The following COL5A1 variants were observed in gnomAD, a reference collection of about 807,000 sequenced individuals.
COL5A1 encodes collagen alpha-1(V) chain.
In COL5A1, 16 loss-of-function variants were observed where a neutral mutation model predicts 263.7. That is an observed-to-expected ratio of 0.06 (90% CI 0.04 to 0.09). The LOEUF is 0.09. Ranked by LOEUF, COL5A1 falls within the 10% of genes least tolerant of loss-of-function variation. The probability of loss-of-function intolerance (pLI) is 1.00; values close to 1 mark genes in which losing one functional copy is unlikely to be tolerated. For missense variants in COL5A1, 2,036 were observed against 2,540.5 expected (o/e 0.80, Z 4.27); for synonymous variants, 1,012 against 1,004.5 (o/e 1.01, Z -0.14).
At chr9:134,756,652 G>C in intron 16 of COL5A1, 113 bp from the exon 17 acceptor site, 1 of 1,168,444 alleles carries the variant, frequency 8.6e-7, no homozygotes, top group Non-Finnish European at 1.3e-6. Flanking sequence ...TGACCTTGGG[G>C]GTGGGCGCGG....
At chr9:134,727,418 A>T in intron 5 of COL5A1, 21 bp downstream of exon 5, 3 of 1,613,964 alleles carry the variant, frequency 1.9e-6, no homozygotes, top group Non-Finnish European at 2.5e-6. Context: ...TCTGGCTGGG[A>T]TCTTGGGGAG....
At chr9:134,661,176 G>A (rs895986710) in intron 1 of COL5A1, among the ~76,000 whole-genome samples, 3 of 151,626 alleles carry the variant, frequency 2.0e-5, no homozygotes, top group Non-Finnish European at 4.4e-5. Flanking sequence ...GAGTTTGGTT[G>A]GGGAAGTGTC....
chr9:134,668,946 C>CCCAT (rs200946165), intron 1 of COL5A1, among the ~76,000 whole-genome samples: 5,000 of 117,740 alleles, frequency 0.042, 232 homozygotes, highest in African/African-American at 0.14. Context: ...CATCCTTCCA[C>CCCAT]CCACCCACCC....
At chr9:134,713,618 G>A (rs1588462909) in intron 4 of COL5A1, among the ~76,000 whole-genome samples, 1 of 152,316 alleles carries the variant, frequency 6.6e-6, no homozygotes, top group Non-Finnish European at 1.5e-5. Context: ...AATTGTACAA[G>A]CGCAGGGCCA....
chr9:134,752,117 C>T (rs1463563293), intron 13 of COL5A1, among the ~76,000 whole-genome samples: 1 of 152,238 alleles, frequency 6.6e-6, no homozygotes, highest in Non-Finnish European at 1.5e-5. Flanking sequence ...CAGGTGGGTT[C>T]CTACCCTCCC....
chr9:134,739,258 G>A (rs1444998050), intron 11 of COL5A1, among the ~76,000 whole-genome samples: 2 of 152,230 alleles, frequency 1.3e-5, no homozygotes, highest in African/African-American at 4.8e-5. Flanking sequence ...GTCCCTCGCC[G>A]CGGGAGGAGA....
At chr9:134,748,426 C>G (rs1031985499) in intron 11 of COL5A1, among the ~76,000 whole-genome samples, 6 of 152,188 alleles carry the variant, frequency 3.9e-5, no homozygotes, top group African/African-American at 1.4e-4. Flanking sequence ...TGCACACACA[C>G]TTACACACAT....
chr9:134,805,014 C>A lies in COL5A1; in HGVS notation c.3154C>A (p.Pro1052Thr). 2 of 1,613,936 alleles carry A rather than the reference C, an allele frequency of 1.2e-6. No homozygotes were observed. The highest frequency in any genetic ancestry group is 1.7e-6 in the Non-Finnish European group (2 of 1,179,994). ...GPAGLPGKDG[P>T]PGLRGFPGDR... ...TGCAGGCCTCCCTGGGAAAGATGGCCCTCCAGGATTACGTGGTTTCCCTGG... is the reference window on the plus strand; with the variant it reads ...TGCAGGCCTCCCTGGGAAAGATGGCACTCCAGGATTACGTGGTTTCCCTGG... The change falls in exon 40 of 66, where the codon CCT (proline) becomes ACT (threonine). Residue 1052 changes from proline to threonine, a missense_variant. Transcript: ENST00000371817.
At chr9:134,673,366 T>A (rs918127243) in intron 1 of COL5A1, among the ~76,000 whole-genome samples, 2 of 151,850 alleles carry the variant, frequency 1.3e-5, no homozygotes, top group East Asian at 3.9e-4. Flanking sequence ...ATGTAAATAA[T>A]CTTTTGGTTT....
intron 1 of COL5A1, among the ~76,000 whole-genome samples, chr9:134,667,866 G>T (rs1832407153): frequency 6.6e-6 from 1 of 152,194 alleles, no homozygotes; most frequent in Non-Finnish European, 1.5e-5. Flanking sequence ...AGGGCGTTTT[G>T]TGTCTTGTTT....
At chr9:134,820,624 G>A (rs1054735887) in intron 58 of COL5A1, among the ~76,000 whole-genome samples, 1 of 152,176 alleles carries the variant, frequency 6.6e-6, no homozygotes, top group Non-Finnish European at 1.5e-5. Context: ...GGCTGTTCTG[G>A]CTCCTGCTTC....
intron 4 of COL5A1, among the ~76,000 whole-genome samples, chr9:134,721,660 G>A (rs1292311079): frequency 1.3e-5 from 2 of 152,214 alleles, no homozygotes; most frequent in Non-Finnish European, 2.9e-5. Context: ...TTGTGGGGGT[G>A]CAGACATCAC....
At chr9:134,740,617 T>G (rs1835268284) in intron 11 of COL5A1, among the ~76,000 whole-genome samples, 2 of 152,196 alleles carry the variant, frequency 1.3e-5, no homozygotes, top group Non-Finnish European at 2.9e-5. Context: ...CGTACAGATT[T>G]GTACTGAGTG....
At chr9:134,721,916 A>T (rs1189817524) in intron 4 of COL5A1, among the ~76,000 whole-genome samples, 3 of 152,302 alleles carry the variant, frequency 2.0e-5, no homozygotes, top group Middle Eastern at 3.4e-3. Context: ...TGTAGGGAAG[A>T]AGCAGTGGGT....
intron 27 of COL5A1, 137 bp downstream of exon 27, chr9:134,775,049 G>T: frequency 1.2e-6 from 1 of 831,978 alleles, no homozygotes. Flanking sequence ...AGTCCTCCCA[G>T]TCACTTGTGT....
intron 28 of COL5A1, among the ~76,000 whole-genome samples, chr9:134,781,220 G>A (rs991003029): frequency 3.3e-5 from 5 of 152,264 alleles, no homozygotes; most frequent in Admixed American, 6.5e-5. Context: ...TTTGTTGAGC[G>A]TGCTGGTCCC....
chr9:134,810,462 CGTGT>C lies in COL5A1; in HGVS notation c.3528+162_3528+165del, dbSNP rs1173885493. ...CTCCCGTGCATGTGTGTTCCCACAA[CGTGT>C]GTGTGTGCACACGCGTGCATATCTG... On this transcript the variant is annotated intron_variant, in intron 44 of 65. Transcript: ENST00000371817. 1.7e-5 allele frequency: 12 copies of C among 699,924 alleles called. No individual in the cohort carries two copies. The East Asian group carries it at 2.7e-4, about 16-fold the overall frequency. The allele number at this position is 699,924 out of a possible 1,614,324, so 43.4% of individuals were successfully genotyped here.
intron 37 of COL5A1, among the ~76,000 whole-genome samples, chr9:134,799,770 T>A (rs1287928929): frequency 7.5e-6 from 1 of 133,602 alleles, no homozygotes; most frequent in Non-Finnish European, 1.5e-5. Flanking sequence ...AGAGAAAAAT[T>A]AAAACATTTC....
chr9:134,812,837 C>T (rs1333980780), intron 48 of COL5A1, 125 bp downstream of exon 48: 9 of 740,484 alleles, frequency 1.2e-5, no homozygotes, highest in African/African-American at 6.9e-5. Context: ...GGTGCATACA[C>T]GTGTGTGTAC....
Sources: allele counts gnomAD v4.1 joint callset (sites outside exome capture counted in the v4.1 genomes callset), GRCh38; gene constraint gnomAD v4.1.1; transcripts MANE v1.5; gene names NCBI Gene and HGNC (gene_info 2026-07-23, HGNC 2026-07-21).